Variants in DKK3 observed in about 807,000 individuals in gnomAD.
The protein encoded by DKK3 is dickkopf-related protein 3.
In DKK3, 22 loss-of-function variants were observed where a neutral mutation model predicts 33.2. That is an observed-to-expected ratio of 0.66 (90% CI 0.47 to 0.95). The LOEUF is 0.95. Among genes scored for constraint, DKK3 ranks in the 40% least tolerant of loss-of-function variants. The pLI is 0.00. For missense variants in DKK3, 398 were observed against 458.4 expected (o/e 0.87, Z 1.20); for synonymous variants, 194 against 188.8 (o/e 1.03, Z -0.23).
intron 3 of DKK3, among the ~76,000 whole-genome samples, chr11:11,974,852 C>T: frequency 6.6e-6 from 1 of 151,880 alleles, no homozygotes; most frequent in East Asian, 1.9e-4. Context: ...TGCAGTGAGC[C>T]AAGATCGCAC....
In DKK3 at chr11:11,963,513, A is replaced by G. The variant is rs1275859807; in HGVS notation, c.*951T>C. On this transcript the variant is annotated 3_prime_UTR_variant, in exon 7 of 7. Coordinates refer to ENST00000683431, the MANE Select transcript of DKK3 (RefSeq NM_001018057.2). ...ACTAATGCAACTGCCAAAGAGGGAC[A>G]GTGTCAATATCATTGTCTTCATTAG... 6.6e-6 allele frequency: 1 copy of G among 152,280 alleles called. No homozygotes were observed. Among genetic ancestry groups the G allele is most frequent in the Non-Finnish European group, 1.5e-5 (1 of 68,060 alleles). The allele number at this position is 152,280 out of a possible 1,614,324, so 9.4% of individuals were successfully genotyped here.
intron 3 of DKK3, among the ~76,000 whole-genome samples, chr11:11,980,134 C>T (rs1354420419): frequency 1.3e-5 from 2 of 152,234 alleles, no homozygotes; most frequent in African/African-American, 4.8e-5. Context: ...TTCTCACTCA[C>T]CCAGCAACCT....
chr11:11,984,225 A>G (rs1416102005), intron 3 of DKK3, among the ~76,000 whole-genome samples: 2 of 152,244 alleles, frequency 1.3e-5, no homozygotes, highest in Non-Finnish European at 2.9e-5. Flanking sequence ...GATTACAAAG[A>G]AAAATGGTTG....
chr11:11,979,220 T>C (rs1590517727), intron 3 of DKK3, among the ~76,000 whole-genome samples: 1 of 152,194 alleles, frequency 6.6e-6, no homozygotes, highest in Non-Finnish European at 1.5e-5. Flanking sequence ...TGTCAGGAAA[T>C]GGAGGCTGGG....
intron 3 of DKK3, among the ~76,000 whole-genome samples, chr11:11,971,620 C>T (rs1490544873): frequency 2.6e-5 from 4 of 152,158 alleles, no homozygotes; most frequent in African/African-American, 4.8e-5. Flanking sequence ...CGTAGACTTG[C>T]GATTTTCACT....
At chr11:11,989,325 CAAAT>C (rs1446804516) in intron 3 of DKK3, among the ~76,000 whole-genome samples, 1 of 152,064 alleles carries the variant, frequency 6.6e-6, no homozygotes, top group East Asian at 1.9e-4. Context: ...GGTGCATTGA[CAAAT>C]GAATGGAGAA....
In DKK3 at chr11:12,002,496, T is replaced by C. The variant is rs1204651702; in HGVS notation, c.214-59A>G. The C allele has an allele frequency of 4.5e-6, 7 of 1,552,662 alleles. No homozygotes were observed. In the East Asian group the frequency reaches 1.1e-4, roughly 25 times the overall value. On this transcript the variant is annotated intron_variant, in intron 1 of 6. Coordinates refer to ENST00000683431, the MANE Select transcript of DKK3 (RefSeq NM_001018057.2). ...TTTTCTCTTGTTACAAATGGGAGTCTATTAGAAAAAAAAAATCTCTTTTCC... is the reference window on the plus strand; with the variant it reads ...TTTTCTCTTGTTACAAATGGGAGTCCATTAGAAAAAAAAAATCTCTTTTCC...
At chr11:11,972,642 A>G (rs1375949944) in intron 3 of DKK3, among the ~76,000 whole-genome samples, 1 of 152,202 alleles carries the variant, frequency 6.6e-6, no homozygotes, top group Non-Finnish European at 1.5e-5. Context: ...CCTTAGTAGA[A>G]CTGAGTGGGT....
At chr11:12,006,827 G>A (rs1480282551) in intron 1 of DKK3, among the ~76,000 whole-genome samples, 2 of 152,146 alleles carry the variant, frequency 1.3e-5, no homozygotes, top group African/African-American at 2.4e-5. Context: ...AAAACATAGA[G>A]GTGACTTAGT....
intron 1 of DKK3, among the ~76,000 whole-genome samples, chr11:12,005,686 G>T (rs1848523543): frequency 6.6e-6 from 1 of 152,186 alleles, no homozygotes. Flanking sequence ...CTTGAAAGGA[G>T]ATTCATGATG....
chr11:11,964,357 G>T lies in DKK3; in HGVS notation c.*107C>A. 1.4e-6 allele frequency: 2 copies of T among 1,402,590 alleles called. No homozygotes were observed. The highest frequency in any genetic ancestry group is 1.9e-6 in the Non-Finnish European group (2 of 1,038,598). The allele number at this position is 1,402,590 out of a possible 1,614,324, so 86.9% of individuals were successfully genotyped here. A position where few individuals can be genotyped will look rare whatever the true frequency, so the allele number is the denominator to read the frequency against. ...TGTCAAGCCAGAGGGGAAACTTACT[G>T]GGAAGAAGATGTAGGAAGAAGCCTG... On this transcript the variant is annotated 3_prime_UTR_variant, in exon 7 of 7. Transcript: ENST00000683431.
chr11:12,000,535 T>C (rs906123454), intron 2 of DKK3, among the ~76,000 whole-genome samples: 4 of 147,858 alleles, frequency 2.7e-5, no homozygotes, highest in African/African-American at 5.0e-5. Flanking sequence ...TTTGACAGTC[T>C]CACTCTGTCA....
At position 11,967,589 on chromosome 11, in the gene DKK3, G is replaced by A. The variant is rs185101736; in HGVS notation, c.529-491C>T. 3.9e-4 allele frequency among the ~76,000 whole-genome samples: 59 copies of A among 152,362 alleles called. No individual in the cohort carries two copies. In the East Asian group the frequency reaches 7.3e-3, roughly 19 times the overall value. ...CACGGCTGTGCCCAGTGACGGTACC[G>A]AGTGGGGTTGGCTGCGAGGTGCAAC... On this transcript the variant is annotated intron_variant, in intron 4 of 6. Transcript: ENST00000683431.
chr11:11,968,343 C>T (rs983776218), intron 4 of DKK3, 52 bp downstream of exon 4: 1 of 1,550,064 alleles, frequency 6.5e-7, no homozygotes, highest in Non-Finnish European at 8.8e-7. Flanking sequence ...GCTTTCTCCC[C>T]CAGGTGCCTG....
intron 3 of DKK3, among the ~76,000 whole-genome samples, chr11:11,981,481 T>C (rs558578167): frequency 6.6e-6 from 1 of 152,204 alleles, no homozygotes; most frequent in African/African-American, 2.4e-5. Flanking sequence ...TGTTTTATAC[T>C]GCTAAGTTTG....
At chr11:11,998,925 T>A in intron 2 of DKK3, 146 bp from the exon 3 acceptor site, 1 of 686,954 alleles carries the variant, frequency 1.5e-6, no homozygotes, top group South Asian at 1.8e-5. Flanking sequence ...CTTTCTGAGT[T>A]CCCCCAGCAG....
chr11:12,000,404 G>A (rs570333660), intron 2 of DKK3, among the ~76,000 whole-genome samples: 2 of 151,934 alleles, frequency 1.3e-5, no homozygotes, highest in African/African-American at 2.4e-5. Flanking sequence ...ACGGGGTTTC[G>A]CCATGTTGGC....
In DKK3 at chr11:12,002,293, G is replaced by A. The variant is rs760419182; in HGVS notation, c.351+7C>T. On this transcript the variant is annotated splice_region_variant and intron_variant, in intron 2 of 6. Coordinates refer to ENST00000683431, the MANE Select transcript of DKK3 (RefSeq NM_001018057.2). ...ATAGAAAGGAGGAAGTGCTGGCCAT[G>A]ACTTACCTTGTGAATTTCTCGGTGC... is the stretch of plus-strand genomic sequence containing the variant. The A allele has an allele frequency of 9.1e-5, 147 of 1,612,178 alleles. No individual in the cohort carries two copies. The highest frequency in any genetic ancestry group is 1.2e-4 in the Non-Finnish European group (144 of 1,178,760).
At chr11:11,975,486 CTGAG>C (rs1847813983) in intron 3 of DKK3, among the ~76,000 whole-genome samples, 1 of 152,230 alleles carries the variant, frequency 6.6e-6, no homozygotes, top group Non-Finnish European at 1.5e-5. Flanking sequence ...ATGCCAGGCC[CTGAG>C]TGCTCCCAGG....
Sources: allele counts gnomAD v4.1 joint callset (sites outside exome capture counted in the v4.1 genomes callset), GRCh38; gene constraint gnomAD v4.1.1; transcripts MANE v1.5; gene names NCBI Gene and HGNC (gene_info 2026-07-23, HGNC 2026-07-21).